Variants in MYO3A observed in about 807,000 individuals in gnomAD.
MYO3A encodes myosin-IIIa.
A neutral mutation model predicts 192.7 loss-of-function variants in MYO3A; 180 were observed. That is an observed-to-expected ratio of 0.93 (90% CI 0.83 to 1.06). The LOEUF (loss-of-function observed/expected upper bound fraction) is 1.06, where lower values mean the gene tolerates loss of function less well. MYO3A is among the 50% of genes least tolerant of loss of function. The pLI, the probability that MYO3A is intolerant of heterozygous loss-of-function variation, is 0.00. For missense variants in MYO3A, 1,896 were observed against 1,905.0 expected (o/e 1.00, Z 0.09); for synonymous variants, 628 against 645.3 (o/e 0.97, Z 0.41).
intron 32 of MYO3A, among the ~76,000 whole-genome samples, chr10:26,197,568 G>T (rs558149731): frequency 1.3e-3 from 194 of 152,150 alleles, no homozygotes; most frequent in African/African-American, 4.2e-3. Context: ...GTTGTTGTTG[G>T]TGGTGGTGGT....
intron 17 of MYO3A, among the ~76,000 whole-genome samples, chr10:26,098,198 G>GAA (rs1452962615): frequency 7.9e-5 from 12 of 152,126 alleles, no homozygotes; most frequent in African/African-American, 2.9e-4. Flanking sequence ...TGTGACTGCT[G>GAA]GCTGCATAAA....
intron 31 of MYO3A, among the ~76,000 whole-genome samples, chr10:26,190,077 A>AAT (rs142259683): frequency 0.025 from 3,780 of 152,248 alleles, 147 homozygotes; most frequent in African/African-American, 0.086. Flanking sequence ...AATAAAAATA[A>AAT]AAATAAAAGG....
intron 10 of MYO3A, among the ~76,000 whole-genome samples, chr10:26,063,271 A>G (rs1287877380): frequency 1.3e-5 from 2 of 152,228 alleles, no homozygotes; most frequent in Non-Finnish European, 2.9e-5. Context: ...TTATTAAAAT[A>G]AACTTGCACA....
At chr10:25,934,714 T>C (rs1835931134) in intron 1 of MYO3A, among the ~76,000 whole-genome samples, 1 of 140,524 alleles carries the variant, frequency 7.1e-6, no homozygotes, top group Non-Finnish European at 1.5e-5. Flanking sequence ...AGGGGTGGAC[T>C]TGAGGGAAGA....
At chr10:26,009,561 G>A (rs925066765) in intron 6 of MYO3A, among the ~76,000 whole-genome samples, 1 of 151,986 alleles carries the variant, frequency 6.6e-6, no homozygotes, top group African/African-American at 2.4e-5. Flanking sequence ...CCTCAGGTGC[G>A]GGTGTGCAGA....
chr10:26,059,017 A>G (rs1834301476), intron 10 of MYO3A, among the ~76,000 whole-genome samples: 1 of 151,894 alleles, frequency 6.6e-6, no homozygotes, highest in Admixed American at 6.6e-5. Flanking sequence ...GAAAGCAGTG[A>G]CTTTTTTATA....
intron 4 of MYO3A, among the ~76,000 whole-genome samples, chr10:25,961,026 A>G (rs1323265101): frequency 2.0e-5 from 3 of 152,218 alleles, no homozygotes; most frequent in Non-Finnish European, 4.4e-5. Context: ...GGATAATTTT[A>G]GAGTTTAATT....
At chr10:26,123,723 G>A (rs779825239) in intron 18 of MYO3A, among the ~76,000 whole-genome samples, 5 of 152,060 alleles carry the variant, frequency 3.3e-5, no homozygotes, top group Non-Finnish European at 7.4e-5. Context: ...TCAGCAGATC[G>A]AGACCATCCT....
At chr10:25,972,195 T>C (rs1838693958) in intron 4 of MYO3A, among the ~76,000 whole-genome samples, 1 of 152,192 alleles carries the variant, frequency 6.6e-6, no homozygotes, top group Admixed American at 6.5e-5. Context: ...ATAATCCCAA[T>C]TCAAATCTGT....
intron 15 of MYO3A, among the ~76,000 whole-genome samples, chr10:26,093,149 C>G (rs1188256248): frequency 6.6e-6 from 1 of 152,106 alleles, no homozygotes; most frequent in Non-Finnish European, 1.5e-5. Context: ...TGATTGTTAA[C>G]ACTTAATTGA....
intron 6 of MYO3A, among the ~76,000 whole-genome samples, chr10:26,007,632 G>T (rs547946523): frequency 6.6e-6 from 1 of 151,932 alleles, no homozygotes; most frequent in Admixed American, 6.6e-5. Context: ...CCCATTCACA[G>T]TTGCTTCAAA....
chr10:26,011,380 G>A (rs1841648171), intron 6 of MYO3A, among the ~76,000 whole-genome samples: 1 of 152,076 alleles, frequency 6.6e-6, no homozygotes, highest in South Asian at 2.1e-4. Context: ...GATGCAGTGA[G>A]CTGTGATTGC....
intron 10 of MYO3A, among the ~76,000 whole-genome samples, chr10:26,029,561 C>G (rs1842715047): frequency 6.6e-6 from 1 of 152,056 alleles, no homozygotes; most frequent in Admixed American, 6.6e-5. Context: ...TTTTTTCGTG[C>G]TGATATCTAT....
chr10:26,139,923 G>A (rs992107772), intron 20 of MYO3A, among the ~76,000 whole-genome samples: 1 of 152,120 alleles, frequency 6.6e-6, no homozygotes, highest in Non-Finnish European at 1.5e-5. Flanking sequence ...TCAGGTGCCT[G>A]TAAAATGTTC....
chr10:26,014,595 T>A (rs1314408380), intron 6 of MYO3A, among the ~76,000 whole-genome samples: 1 of 152,092 alleles, frequency 6.6e-6, no homozygotes, highest in African/African-American at 2.4e-5. Flanking sequence ...GGCTGTACAG[T>A]CATGGAACAG....
At chr10:26,006,001 A>T (rs1372167291) in intron 6 of MYO3A, among the ~76,000 whole-genome samples, 1 of 152,046 alleles carries the variant, frequency 6.6e-6, no homozygotes, top group African/African-American at 2.4e-5. Context: ...TTCAAGCAGA[A>T]CCTGTGGGCT....
intron 4 of MYO3A, among the ~76,000 whole-genome samples, chr10:25,963,034 A>G (rs557624628): frequency 3.9e-5 from 6 of 152,232 alleles, no homozygotes; most frequent in African/African-American, 1.4e-4. Context: ...TCATAATCCA[A>G]TCTTAGCTAT....
chr10:26,145,302 A>G (rs1840395944), intron 21 of MYO3A, 144 bp from the exon 22 acceptor site: 2 of 657,466 alleles, frequency 3.0e-6, no homozygotes, highest in Non-Finnish European at 5.5e-6. Context: ...TACCATGTAT[A>G]ATTCTATTCC....
Position 26,152,797 on chromosome 10 carries a change from G to A in MYO3A, c.2636-1053G>A, listed in dbSNP as rs528117124. On this transcript the variant is annotated intron_variant, in intron 23 of 34. Transcript: ENST00000642920. ...GTGAACAGGGCAGTGTGCAGGGCAA[G>A]CCTAGCATGGAAACTGTGGCACACA... 9.2e-5 allele frequency among the ~76,000 whole-genome samples: 14 copies of A among 152,292 alleles called. No individual in the cohort carries two copies. The South Asian group carries it at 2.7e-3, about 29-fold the overall frequency.
Sources: allele counts gnomAD v4.1 joint callset (sites outside exome capture counted in the v4.1 genomes callset), GRCh38; gene constraint gnomAD v4.1.1; transcripts MANE v1.5; gene names NCBI Gene and HGNC (gene_info 2026-07-23, HGNC 2026-07-21).